The following GPR55 variants were observed in gnomAD, a reference collection of about 807,000 sequenced individuals.
The protein encoded by GPR55 is G-protein coupled receptor 55.
Under a neutral mutation model 7.9 loss-of-function variants are expected in GPR55, and 6 were observed. The observed-to-expected ratio is 0.76, with a 90% CI of 0.41 to 1.49. The LOEUF (loss-of-function observed/expected upper bound fraction) is 1.49, where lower values mean the gene tolerates loss of function less well. GPR55 is among the 40% of genes most tolerant of loss of function. GPR55 has a pLI of 0.01. For missense variants in GPR55, 376 were observed against 406.0 expected, an observed-to-expected ratio of 0.93 and a Z score of 0.63; for synonymous variants, 183 against 166.8, an observed-to-expected ratio of 1.10 and a Z score of -0.75.
At chr2:230,911,742 T>C (rs1205727027) in intron 1 of GPR55, among the ~76,000 whole-genome samples, 1 of 151,858 alleles carries the variant, frequency 6.6e-6, no homozygotes, top group Non-Finnish European at 1.5e-5. Context: ...ATGGGAGAAA[T>C]GGCATTCCCA....
At chr2:230,921,377 A>G (rs1245603924) in intron 1 of GPR55, among the ~76,000 whole-genome samples, 1 of 152,208 alleles carries the variant, frequency 6.6e-6, no homozygotes, top group Non-Finnish European at 1.5e-5. Flanking sequence ...CTTTAGAAGA[A>G]TAGAAGTGTC....
upstream of GPR55, among the ~76,000 whole-genome samples, chr2:230,926,981 G>A (rs1008306672): frequency 3.3e-5 from 5 of 151,734 alleles, no homozygotes; most frequent in Non-Finnish European, 5.9e-5. Context: ...GTGAGCCACC[G>A]CTCCCGGCCC....
intron 1 of GPR55, among the ~76,000 whole-genome samples, chr2:230,943,373 C>T (rs1053301229): frequency 6.6e-6 from 1 of 152,196 alleles, no homozygotes; most frequent in Non-Finnish European, 1.5e-5. Context: ...TCCCACTAGC[C>T]AGCCCCTCCG....
At chr2:230,952,271 C>G (rs1691415969) in intron 1 of GPR55, among the ~76,000 whole-genome samples, 1 of 63,208 alleles carries the variant, frequency 1.6e-5, no homozygotes, top group East Asian at 6.8e-4. Context: ...AATGCTCCTT[C>G]TATGCTAAAG....
chr2:230,950,503 G>A (rs1410089083), intron 1 of GPR55, among the ~76,000 whole-genome samples: 1 of 152,120 alleles, frequency 6.6e-6, no homozygotes, highest in Non-Finnish European at 1.5e-5. Flanking sequence ...CATAACGAGA[G>A]CTGCACAGAT....
At chr2:230,941,095 C>T (rs778608423) in intron 1 of GPR55, among the ~76,000 whole-genome samples, 4 of 151,322 alleles carry the variant, frequency 2.6e-5, no homozygotes, top group South Asian at 2.1e-4. Context: ...CCAGCCCGGG[C>T]GACAGAGCAA....
chr2:230,959,440 C>T (rs988386399), intron 1 of GPR55, among the ~76,000 whole-genome samples: 1 of 151,934 alleles, frequency 6.6e-6, no homozygotes, highest in African/African-American at 2.4e-5. Context: ...CAGAGTGAAA[C>T]CCTGTCTCAA....
intron 1 of GPR55, among the ~76,000 whole-genome samples, chr2:230,946,091 C>A (rs978337214): frequency 5.9e-5 from 9 of 152,132 alleles, no homozygotes; most frequent in African/African-American, 2.2e-4. Flanking sequence ...GCATCATGCT[C>A]AGTGAAATAA....
intron 1 of GPR55, among the ~76,000 whole-genome samples, chr2:230,937,878 G>A (rs1691157877): frequency 1.3e-5 from 2 of 152,014 alleles, no homozygotes; most frequent in Middle Eastern, 3.2e-3. Flanking sequence ...TAAAATTTGG[G>A]GCACAGTGGC....
At chr2:230,921,624 C>A (rs992053900) in intron 1 of GPR55, among the ~76,000 whole-genome samples, 2 of 152,190 alleles carry the variant, frequency 1.3e-5, no homozygotes. Context: ...ACACAAAACA[C>A]AAACGCAGTC....
chr2:230,910,901 G>A lies in GPR55; in HGVS notation c.62C>T (p.Thr21Ile), dbSNP rs1690578229. 1.9e-6 allele frequency: 3 copies of A among 1,612,808 alleles called. No homozygotes were observed. The East Asian group carries it at 6.7e-5, about 36-fold the overall frequency. The change falls in exon 2 of 2, where the codon ACC (threonine) becomes ATC (isoleucine). Residue 21 changes from threonine to isoleucine, a missense_variant. Physicochemically the swap from Thr to Ile is moderately conservative, Grantham distance 89. Transcript: ENST00000650999. The surrounding 1 kb of genome is among the most constrained non-coding windows in gnomAD (Gnocchi z 5.4). ...GGGGATGTGGACTGCAAACTGTAGG[G>A]TTTTCATCAGCTCGTTGACACCGTC... ...LFDGVNELMK[T>I]LQFAVHIPTF... is the part of the protein sequence containing the mutation.
At chr2:230,948,116 C>T (rs995430277) in intron 1 of GPR55, among the ~76,000 whole-genome samples, 1 of 152,034 alleles carries the variant, frequency 6.6e-6, no homozygotes, top group Admixed American at 6.6e-5. Flanking sequence ...CCCCTGGCCG[C>T]CCCCACAGCT....
chr2:230,928,111 A>G (rs1177087309), upstream of GPR55, among the ~76,000 whole-genome samples: 1 of 152,150 alleles, frequency 6.6e-6, no homozygotes, highest in Admixed American at 6.5e-5. Context: ...GCACCAGGGT[A>G]AGGGGGGAAT....
At chr2:230,952,546 C>T (rs1691419668) in intron 1 of GPR55, among the ~76,000 whole-genome samples, 1 of 152,226 alleles carries the variant, frequency 6.6e-6, no homozygotes, top group Admixed American at 6.5e-5. Flanking sequence ...ACAGCCTCTG[C>T]TTTTCCCATG....
chr2:230,931,518 T>A (rs780285593), intron 1 of GPR55, among the ~76,000 whole-genome samples: 1 of 152,048 alleles, frequency 6.6e-6, no homozygotes, highest in Non-Finnish European at 1.5e-5. Context: ...ACCAACCCCA[T>A]GAGGCAGGAC....
intron 1 of GPR55, among the ~76,000 whole-genome samples, chr2:230,915,187 C>T (rs527755233): frequency 6.6e-6 from 1 of 152,350 alleles, no homozygotes; most frequent in African/African-American, 2.4e-5. Flanking sequence ...AGCAGAGCTG[C>T]ACTGACTGTG....
rs565588218 is a variant in GPR55 at position 230,954,071 on chromosome 2, C to T, written c.-135+6704G>A. Among the ~76,000 whole-genome samples, 8 of 152,372 alleles carry T rather than the reference C, an allele frequency of 5.3e-5. 1 individual carries two copies. The South Asian group carries it at 1.7e-3, about 32-fold the overall frequency. On this transcript the variant is annotated intron_variant, in intron 1 of 1. Transcript: ENST00000392039. ...CTGGCTTCTGATCAACGGACCTTGT[C>T]TTGCCCAGGAAGCCAAATCGTAACA...
At chr2:230,951,374 A>G (rs1467756621) in intron 1 of GPR55, among the ~76,000 whole-genome samples, 2 of 152,148 alleles carry the variant, frequency 1.3e-5, no homozygotes, top group Admixed American at 1.3e-4. Flanking sequence ...CAGAGGAAAA[A>G]CATGGTTTGG....
At chr2:230,942,776 A>T (rs1451530058) in intron 1 of GPR55, among the ~76,000 whole-genome samples, 3 of 151,956 alleles carry the variant, frequency 2.0e-5, no homozygotes, top group Non-Finnish European at 2.9e-5. Flanking sequence ...CCAGACCCAG[A>T]AGAAGGAACC....
Sources: gnomAD v4.1 joint callset for allele counts (sites outside exome capture counted in the v4.1 genomes callset) on GRCh38, gnomAD v4.1.1 for gene constraint, Gnocchi (gnomAD v3.1) non-coding constraint, MANE v1.5 for transcripts, NCBI Gene and HGNC (gene_info 2026-07-23, HGNC 2026-07-21) for gene names.